The following PKNOX2 variants were observed in gnomAD, a reference collection of about 807,000 sequenced individuals.
The protein encoded by PKNOX2 is homeobox protein PKNOX2.
PKNOX2 carries 14 observed loss-of-function variants against 53.1 expected under a neutral mutation model. The observed-to-expected ratio is 0.26, with a 90% CI of 0.17 to 0.41. The LOEUF (loss-of-function observed/expected upper bound fraction) is 0.41. PKNOX2 is among the 10% of genes least tolerant of loss of function. The pLI, the probability that PKNOX2 is intolerant of heterozygous loss-of-function variation, is 1.00. For synonymous variants in PKNOX2, 257 were observed against 242.8 expected, an observed-to-expected ratio of 1.06 and a Z score of -0.54; for missense variants, 496 against 602.8, an observed-to-expected ratio of 0.82 and a Z score of 1.85.
rs186783883 is a variant in PKNOX2, at chr11:125,385,735, C to T, written c.399+13C>T. The T allele has an allele frequency of 3.1e-6, 5 of 1,612,114 alleles. No homozygotes were observed. In the Admixed American group the frequency reaches 6.7e-5, roughly 22 times the overall value. On this transcript the variant is annotated intron_variant, in intron 6 of 12. Coordinates refer to ENST00000298282, the MANE Select transcript of PKNOX2 (RefSeq NM_001382323.2). ...ACTGGACAATCTGGTAAAGACCCTC[C>T]ACCCTCTACCCTGGCTAGAGTCTTC...
At chr11:125,281,734 A>T (rs1480743552) in intron 2 of PKNOX2, among the ~76,000 whole-genome samples, 1 of 152,102 alleles carries the variant, frequency 6.6e-6, no homozygotes, top group Non-Finnish European at 1.5e-5. Flanking sequence ...CAGCCGGGGG[A>T]CAACCACAGA....
At chr11:125,218,346 A>G (rs917675866) in intron 1 of PKNOX2, among the ~76,000 whole-genome samples, 3 of 148,484 alleles carry the variant, frequency 2.0e-5, no homozygotes, top group Non-Finnish European at 3.0e-5. Context: ...ATGTAAAAAC[A>G]TGCATGGACA....
chr11:125,370,773 T>C lies in PKNOX2; in HGVS notation c.227+2788T>C, dbSNP rs910569629. Among the ~76,000 whole-genome samples the C allele has an allele frequency of 5.3e-5, 8 of 152,206 alleles. No homozygotes were observed. The highest frequency in any genetic ancestry group is 1.9e-4 in the African/African-American group (8 of 41,456). On this transcript the variant is annotated intron_variant, in intron 5 of 12. Coordinates refer to ENST00000298282, the MANE Select transcript of PKNOX2 (RefSeq NM_001382323.2). This position sits in a 1 kb window ranked among gnomAD's most constrained non-coding sequence, Gnocchi z 4.1. ...GAGCTCAGCCTCCTGTAGGGTCGGG[T>C]AATTTTAATTAGATTTGCCTGCCTG...
chr11:125,412,682 C>T (rs952052899), intron 10 of PKNOX2, among the ~76,000 whole-genome samples: 5 of 152,076 alleles, frequency 3.3e-5, no homozygotes, highest in African/African-American at 1.2e-4. Context: ...GCTGTGACCA[C>T]GGGCGGGCTT....
At chr11:125,299,737 C>T (rs529776076) in intron 2 of PKNOX2, among the ~76,000 whole-genome samples, 8 of 152,276 alleles carry the variant, frequency 5.3e-5, no homozygotes, top group Admixed American at 4.6e-4. Context: ...CTCCTTCTTA[C>T]CCGATTTGGA....
chr11:125,423,455 G>A (rs1340905255), intron 10 of PKNOX2, among the ~76,000 whole-genome samples: 1 of 152,164 alleles, frequency 6.6e-6, no homozygotes, highest in African/African-American at 2.4e-5. Flanking sequence ...TGGGAGGTCC[G>A]ATCACTGATG....
intron 2 of PKNOX2, among the ~76,000 whole-genome samples, chr11:125,281,409 C>T (rs1289013386): frequency 1.3e-5 from 2 of 152,188 alleles, no homozygotes; most frequent in African/African-American, 4.8e-5. Flanking sequence ...TATCCCAGTG[C>T]TAGACAAGGT....
Position 125,196,423 on chromosome 11 carries a change from C to T in PKNOX2, c.-201+31647C>T, listed in dbSNP as rs1421980230. Among the ~76,000 whole-genome samples, 4 of 152,336 alleles carry T rather than the reference C, an allele frequency of 2.6e-5. No homozygotes were observed. The East Asian group carries it at 7.7e-4, about 29-fold the overall frequency. On this transcript the variant is annotated intron_variant, in intron 1 of 12. Transcript: ENST00000298282. The stretch of plus-strand genomic sequence containing the variant: ...CACCGTCTTCTGTTGAGCCCACTTT[C>T]TGTCCCCATACACCAGATCCCAAGT...
chr11:125,405,203 G>A (rs1481898306), intron 7 of PKNOX2, among the ~76,000 whole-genome samples: 1 of 152,256 alleles, frequency 6.6e-6, no homozygotes, highest in Non-Finnish European at 1.5e-5. Context: ...TCTTTGCCAG[G>A]CCATCCCGTT....
intron 1 of PKNOX2, among the ~76,000 whole-genome samples, chr11:125,216,824 C>T (rs1241688948): frequency 2.0e-5 from 3 of 152,126 alleles, no homozygotes; most frequent in South Asian, 2.1e-4. Flanking sequence ...ACTGAGGTCA[C>T]GTGGCTGGCC....
At chr11:125,167,594 C>T (rs12294909) in intron 1 of PKNOX2, among the ~76,000 whole-genome samples, 1 of 152,210 alleles carries the variant, frequency 6.6e-6, no homozygotes, top group Non-Finnish European at 1.5e-5. Flanking sequence ...TGGGCCCGAC[C>T]ACCGCTCACA....
chr11:125,362,059 G>A (rs1171961483), intron 4 of PKNOX2, among the ~76,000 whole-genome samples: 2 of 152,198 alleles, frequency 1.3e-5, no homozygotes, highest in Non-Finnish European at 1.5e-5. Flanking sequence ...GAGGTTTGTT[G>A]AGGGAGAGGG....
At chr11:125,177,096 C>T (rs1224807117) in intron 1 of PKNOX2, among the ~76,000 whole-genome samples, 1 of 152,224 alleles carries the variant, frequency 6.6e-6, no homozygotes, top group Non-Finnish European at 1.5e-5. Flanking sequence ...CCATTTTGCT[C>T]AGCACCAGCC....
chr11:125,174,829 A>G (rs1455301201), intron 1 of PKNOX2, among the ~76,000 whole-genome samples: 1 of 152,076 alleles, frequency 6.6e-6, no homozygotes, highest in Non-Finnish European at 1.5e-5. Context: ...GCGGTGGTGG[A>G]AGGAGCTCCT....
intron 2 of PKNOX2, among the ~76,000 whole-genome samples, chr11:125,245,670 CT>C (rs1943506343): frequency 1.3e-5 from 2 of 152,200 alleles, no homozygotes; most frequent in Non-Finnish European, 2.9e-5. Context: ...GCTCAGGCTG[CT>C]GCTGACTCAC....
intron 10 of PKNOX2, among the ~76,000 whole-genome samples, chr11:125,417,727 T>A (rs1955965774): frequency 6.6e-6 from 1 of 152,062 alleles, no homozygotes; most frequent in Non-Finnish European, 1.5e-5. Flanking sequence ...TGGAGCCCCG[T>A]CCTGGGAGAG....
intron 5 of PKNOX2, 78 bp from the exon 6 acceptor site, chr11:125,385,473 G>C: frequency 6.8e-7 from 1 of 1,469,520 alleles, no homozygotes; most frequent in South Asian, 1.4e-5. Context: ...GTGGGCAGGG[G>C]AGCCTGGTGG....
intron 2 of PKNOX2, chr11:125,277,752 ATAGC>A (rs1946271423): frequency 6.6e-6 from 1 of 152,252 alleles, no homozygotes; most frequent in African/African-American, 2.4e-5. Context: ...ATATTTCAAA[ATAGC>A]TAGAAGAGAA....
intron 2 of PKNOX2, among the ~76,000 whole-genome samples, chr11:125,257,231 A>G (rs1944472047): frequency 6.6e-6 from 1 of 152,176 alleles, no homozygotes; most frequent in Admixed American, 6.5e-5. Context: ...GCACTAGAGG[A>G]ATCCCTGCTC....
Sources: gnomAD v4.1 joint callset for allele counts (sites outside exome capture counted in the v4.1 genomes callset) on GRCh38, gnomAD v4.1.1 for gene constraint, Gnocchi (gnomAD v3.1) non-coding constraint, MANE v1.5 for transcripts, NCBI Gene and HGNC (gene_info 2026-07-23, HGNC 2026-07-21) for gene names.